The following CPED1 variants were observed in gnomAD, a reference collection of about 807,000 sequenced individuals.
The protein encoded by CPED1 is cadherin-like and PC-esterase domain-containing protein 1.
In CPED1, 114 loss-of-function variants were observed where a neutral mutation model predicts 128.2. The observed-to-expected ratio is 0.89, with a 90% CI of 0.76 to 1.04. The LOEUF (loss-of-function observed/expected upper bound fraction) is 1.04. Ranked by LOEUF, CPED1 falls within the 50% of genes least tolerant of loss-of-function variation. The pLI is 0.00. For synonymous variants in CPED1, 462 were observed against 426.7 expected, an observed-to-expected ratio of 1.08 and a Z score of -1.02; for missense variants, 1,211 against 1,207.1, an observed-to-expected ratio of 1.00 and a Z score of -0.05.
chr7:121,223,071 A>C (rs915394835), intron 16 of CPED1, among the ~76,000 whole-genome samples: 1 of 152,204 alleles, frequency 6.6e-6, no homozygotes, highest in African/African-American at 2.4e-5. Context: ...TTGTCCATTC[A>C]GTATGATATT....
At chr7:121,047,250 G>A (rs1311875650) in intron 4 of CPED1, among the ~76,000 whole-genome samples, 1 of 152,168 alleles carries the variant, frequency 6.6e-6, no homozygotes, top group Non-Finnish European at 1.5e-5. Context: ...GAAGTCTGCA[G>A]CCTATGAAGT....
chr7:121,181,554 C>A (rs1796897351), intron 16 of CPED1, among the ~76,000 whole-genome samples: 2 of 152,030 alleles, frequency 1.3e-5, no homozygotes, highest in South Asian at 4.2e-4. Context: ...ATTTATATGT[C>A]AGCAAGATAC....
chr7:121,110,632 T>C (rs1280287306), intron 7 of CPED1, among the ~76,000 whole-genome samples: 6 of 152,076 alleles, frequency 3.9e-5, no homozygotes, highest in African/African-American at 7.2e-5. Flanking sequence ...GAACACAGGG[T>C]GAGTGGTAGA....
intron 16 of CPED1, among the ~76,000 whole-genome samples, chr7:121,189,339 G>T (rs1264690084): frequency 6.6e-6 from 1 of 152,124 alleles, no homozygotes; most frequent in South Asian, 2.1e-4. Context: ...AGGAAACACG[G>T]CTGGAAAGCC....
intron 5 of CPED1, among the ~76,000 whole-genome samples, chr7:121,089,157 A>G (rs1023839871): frequency 6.6e-6 from 1 of 152,166 alleles, no homozygotes; most frequent in African/African-American, 2.4e-5. Flanking sequence ...TAGTAATCCT[A>G]TCAGAACATC....
chr7:121,141,904 A>T (rs987925157), intron 15 of CPED1, 69 bp from the exon 16 acceptor site: 2 of 1,231,978 alleles, frequency 1.6e-6, no homozygotes, highest in African/African-American at 3.0e-5. Flanking sequence ...ATATTGATAT[A>T]TGAATCAGTT....
chr7:121,063,056 T>C (rs1793719088), intron 4 of CPED1, among the ~76,000 whole-genome samples: 1 of 152,182 alleles, frequency 6.6e-6, no homozygotes, highest in Non-Finnish European at 1.5e-5. Flanking sequence ...CCTTGTGGAC[T>C]TTTACAATGT....
At chr7:121,129,318 T>TAC (rs1795601969) in intron 11 of CPED1, among the ~76,000 whole-genome samples, 1 of 126,770 alleles carries the variant, frequency 7.9e-6, no homozygotes, top group Admixed American at 7.8e-5. Context: ...TATACGTATA[T>TAC]ATATATATAT....
At chr7:121,268,341 A>T (rs1792169849) in intron 21 of CPED1, among the ~76,000 whole-genome samples, 1 of 152,082 alleles carries the variant, frequency 6.6e-6, no homozygotes, top group African/African-American at 2.4e-5. Flanking sequence ...GTTACAGTTC[A>T]GAATCAATTC....
chr7:121,286,014 T>A (rs1408788511), intron 22 of CPED1, among the ~76,000 whole-genome samples: 1 of 152,212 alleles, frequency 6.6e-6, no homozygotes, highest in Non-Finnish European at 1.5e-5. Context: ...AGAGATTTAA[T>A]TGACTCACAG....
chr7:121,265,435 A>G (rs1002157518), intron 18 of CPED1, among the ~76,000 whole-genome samples: 2 of 152,138 alleles, frequency 1.3e-5, no homozygotes, highest in Non-Finnish European at 2.9e-5. Flanking sequence ...ACTGGTATGC[A>G]ATAAAAACAG....
Position 121,068,185 on chromosome 7 carries a change from T to C in CPED1, c.616+3872T>C, listed in dbSNP as rs1470866328. On this transcript the variant is annotated intron_variant, in intron 5 of 22. Coordinates refer to ENST00000310396, the MANE Select transcript of CPED1 (RefSeq NM_024913.5). ...TTTGGTGTTTTAGACAAGAAGTCCT[T>C]GCCCATGCCTATGTCCTGAATGGTA... Among the ~76,000 whole-genome samples the C allele has an allele frequency of 3.9e-5, 6 of 152,374 alleles. No homozygotes were observed. The East Asian group carries it at 9.6e-4, about 24-fold the overall frequency.
chr7:121,133,112 G>T (rs1795711579), intron 12 of CPED1, among the ~76,000 whole-genome samples: 1 of 151,976 alleles, frequency 6.6e-6, no homozygotes, highest in Non-Finnish European at 1.5e-5. Flanking sequence ...TATCTCCATT[G>T]TGCTGGGGTG....
At chr7:121,157,764 A>G (rs924827100) in intron 16 of CPED1, among the ~76,000 whole-genome samples, 1 of 152,188 alleles carries the variant, frequency 6.6e-6, no homozygotes, top group African/African-American at 2.4e-5. Context: ...TAGAAGGGCT[A>G]TCGGCATCCA....
rs1165716499 is a variant in CPED1, at chr7:121,266,367, T to A, written c.2451T>A (p.Ser817Arg). The part of the protein sequence containing the change: ...HNVNGGKTLI[S>R]YSYYPQFWIS... Reference sequence around the variant, plus strand: ...TCAATGGTGGGAAGACTTTGATCAGTTATTCCTACTATCCCCAGTTCTGGA... The same window carrying A: ...TCAATGGTGGGAAGACTTTGATCAGATATTCCTACTATCCCCAGTTCTGGA... Residue 817 changes from serine to arginine, a missense_variant, in exon 19 of 23, where the codon AGT becomes AGA. By Grantham distance (110) the Ser-to-Arg change is moderately radical. Transcript: ENST00000310396. The A allele has an allele frequency of 1.9e-6, 3 of 1,613,198 alleles. No individual in the cohort carries two copies. Among genetic ancestry groups the A allele is most frequent in the Non-Finnish European group, 2.5e-6 (3 of 1,179,426 alleles).
chr7:121,090,933 G>A (rs551798006), intron 5 of CPED1, among the ~76,000 whole-genome samples: 1 of 152,114 alleles, frequency 6.6e-6, no homozygotes, highest in East Asian at 1.9e-4. Flanking sequence ...CTGAGTGACA[G>A]AGTGAGACTC....
chr7:120,991,097 C>T (rs983338987), intron 2 of CPED1, among the ~76,000 whole-genome samples: 8 of 152,106 alleles, frequency 5.3e-5, no homozygotes, highest in African/African-American at 1.7e-4. Flanking sequence ...AATTCAAAGC[C>T]CTTGTAATAA....
chr7:121,083,397 C>T (rs1017078181), intron 5 of CPED1, among the ~76,000 whole-genome samples: 3 of 152,096 alleles, frequency 2.0e-5, no homozygotes, highest in African/African-American at 7.2e-5. Context: ...TTGAAGCTGT[C>T]CTTCTGGTCT....
intron 2 of CPED1, among the ~76,000 whole-genome samples, chr7:120,996,202 T>C (rs1221574263): frequency 2.0e-5 from 3 of 152,082 alleles, no homozygotes; most frequent in East Asian, 1.9e-4. Flanking sequence ...GAGGATTGCT[T>C]GAGCCAGGGA....
Sources: gnomAD v4.1 joint callset for allele counts (sites outside exome capture counted in the v4.1 genomes callset) on GRCh38, gnomAD v4.1.1 for gene constraint, MANE v1.5 for transcripts, NCBI Gene and HGNC (gene_info 2026-07-23, HGNC 2026-07-21) for gene names.